DAB2IP: variants seen among roughly 807,000 people sequenced by gnomAD.
The protein encoded by DAB2IP is DAB2 interacting protein, also known as disabled homolog 2-interacting protein.
DAB2IP carries 28 observed loss-of-function variants against 107.2 expected under a neutral mutation model. The ratio of observed to expected loss-of-function variants is 0.26; its 90% CI spans 0.19 to 0.36. The LOEUF (loss-of-function observed/expected upper bound fraction) is 0.36, where lower values mean the gene tolerates loss of function less well. DAB2IP is among the 10% of genes least tolerant of loss of function. The probability of loss-of-function intolerance (pLI) is 1.00; values close to 1 mark genes in which losing one functional copy is unlikely to be tolerated. For missense variants in DAB2IP, 1,400 were observed against 1,644.7 expected, an observed-to-expected ratio of 0.85 and a Z score of 2.57; for synonymous variants, 755 against 706.4, an observed-to-expected ratio of 1.07 and a Z score of -1.09.
intron 3 of DAB2IP, among the ~76,000 whole-genome samples, chr9:121,753,502 A>G (rs771515584): frequency 3.3e-5 from 5 of 152,174 alleles, no homozygotes; most frequent in Non-Finnish European, 5.9e-5. Context: ...CCCTGAATAC[A>G]GGGGCATCAG....
At chr9:121,757,931 T>C (rs1833609143) in intron 4 of DAB2IP, among the ~76,000 whole-genome samples, 1 of 152,106 alleles carries the variant, frequency 6.6e-6, no homozygotes, top group African/African-American at 2.4e-5. Context: ...AGTGTGACAA[T>C]CTCCTGGCAC....
chr9:121,641,384 C>T (rs1178722014), intron 1 of DAB2IP, among the ~76,000 whole-genome samples: 2 of 152,138 alleles, frequency 1.3e-5, no homozygotes, highest in African/African-American at 2.4e-5. Context: ...ATGTGAGAAC[C>T]GTGGCTCTGG....
intron 7 of DAB2IP, 24 bp from the exon 8 acceptor site, chr9:121,763,711 C>CACTCCCT (rs1307088511): frequency 6.2e-6 from 10 of 1,612,758 alleles, no homozygotes; most frequent in African/African-American, 2.7e-5. Context: ...CCTCACTCCC[C>CACTCCCT]ACTCCCTGCC....
chr9:121,605,876 C>T (rs1345202405), intron 1 of DAB2IP, among the ~76,000 whole-genome samples: 2 of 152,138 alleles, frequency 1.3e-5, no homozygotes, highest in Non-Finnish European at 2.9e-5. Context: ...GGGATTGTGT[C>T]GGGGGCCCAC....
exon 4 of DAB2IP, chr9:121,757,058 C>A: frequency 6.2e-7 from 1 of 1,614,206 alleles, no homozygotes; most frequent in Non-Finnish European, 8.5e-7. Flanking sequence ...CCCACGAGTC[C>A]CTGCTCAGCC....
chr9:121,757,198 C>T (rs1833560047), intron 4 of DAB2IP, 32 bp downstream of exon 4: 2 of 1,606,286 alleles, frequency 1.2e-6, no homozygotes, highest in Non-Finnish European at 1.7e-6. Context: ...GGGGTGGACA[C>T]CCCATCCTCT....
chr9:121,650,294 CT>C (rs1412922887), upstream of DAB2IP, among the ~76,000 whole-genome samples: 2 of 152,198 alleles, frequency 1.3e-5, no homozygotes, highest in Non-Finnish European at 2.9e-5. Flanking sequence ...CCCCTCCCCC[CT>C]GGTCAGGGAA....
intron 1 of DAB2IP, among the ~76,000 whole-genome samples, chr9:121,595,496 A>C (rs762065429): frequency 1.3e-5 from 2 of 151,934 alleles, no homozygotes; most frequent in Non-Finnish European, 2.9e-5. Flanking sequence ...CTAGCTACTC[A>C]GGATGCTGAG....
chr9:121,598,249 C>A (rs1014376715), intron 1 of DAB2IP: 1 of 152,330 alleles, frequency 6.6e-6, no homozygotes, highest in African/African-American at 2.4e-5. Context: ...GTTCACCGTG[C>A]AGGCCCGTCC....
chr9:121,599,103 A>G lies in DAB2IP; in HGVS notation c.40+31875A>G, dbSNP rs375166616. ...TGGAGATCCACGCAGGGCGCACATA[A>G]AAGTTTAAGGGGTCAGCGGATGCGG... On this transcript the variant is annotated intron_variant, in intron 1 of 16. Transcript: ENST00000259371. The surrounding 1 kb of genome is among the most constrained non-coding windows in gnomAD (Gnocchi z 6.9). Among the ~76,000 whole-genome samples the G allele has an allele frequency of 2.0e-5, 3 of 152,258 alleles. No homozygotes were observed. Among genetic ancestry groups the G allele is most frequent in the East Asian group, 3.9e-4 (2 of 5,150 alleles).
intron 3 of DAB2IP, among the ~76,000 whole-genome samples, chr9:121,730,333 A>G (rs62572800): frequency 0.16 from 24,498 of 152,174 alleles, 2,404 homozygotes; most frequent in Non-Finnish European, 0.22. Flanking sequence ...GTCAACGGCT[A>G]TATTTGCTGT....
intron 3 of DAB2IP, among the ~76,000 whole-genome samples, chr9:121,715,588 C>T (rs760942304): frequency 9.2e-5 from 14 of 151,938 alleles, no homozygotes; most frequent in Non-Finnish European, 1.5e-4. Flanking sequence ...CTCCTGACCT[C>T]GTGATCTGCC....
At chr9:121,683,522 G>C (rs1281582682) in intron 2 of DAB2IP, among the ~76,000 whole-genome samples, 1 of 152,198 alleles carries the variant, frequency 6.6e-6, no homozygotes, top group East Asian at 1.9e-4. Flanking sequence ...CGTGTTTGAA[G>C]GTTTAGCTGA....
At chr9:121,628,824 C>T (rs556004738) in intron 1 of DAB2IP, among the ~76,000 whole-genome samples, 1 of 152,308 alleles carries the variant, frequency 6.6e-6, no homozygotes, top group Admixed American at 6.5e-5. Context: ...AGACTGGGCT[C>T]AAACCCTGAC....
intron 5 of DAB2IP, 150 bp downstream of exon 5, chr9:121,759,146 C>T (rs1833702527): frequency 2.7e-6 from 2 of 736,220 alleles, no homozygotes; most frequent in African/African-American, 3.5e-5. Context: ...TATTGGTGGA[C>T]TCTGAAAGAG....
intron 1 of DAB2IP, among the ~76,000 whole-genome samples, chr9:121,589,738 G>T (rs750441786): frequency 7.9e-5 from 12 of 152,190 alleles, no homozygotes; most frequent in Non-Finnish European, 1.5e-4. Context: ...CGCCTCCCCA[G>T]AGGTGACAGC....
chr9:121,641,790 GCCTGC>G, intron 1 of DAB2IP, among the ~76,000 whole-genome samples: 1 of 137,116 alleles, frequency 7.3e-6, no homozygotes, highest in East Asian at 2.3e-4. Flanking sequence ...CTGCCTGCCT[GCCTGC>G]CTACCTTCCT....
chr9:121,580,650 A>T (rs1830169863), intron 1 of DAB2IP, among the ~76,000 whole-genome samples: 2 of 151,002 alleles, frequency 1.3e-5, no homozygotes, highest in Admixed American at 6.6e-5. Flanking sequence ...TCTGAGATGG[A>T]GTCTCGCTCT....
chr9:121,750,739 C>T (rs1249721616), intron 3 of DAB2IP, among the ~76,000 whole-genome samples: 2 of 152,236 alleles, frequency 1.3e-5, no homozygotes, highest in Non-Finnish European at 2.9e-5. Context: ...GTTTGGGGTC[C>T]TTTCCCTCCT....
Sources: allele counts gnomAD v4.1 joint callset (sites outside exome capture counted in the v4.1 genomes callset), GRCh38; gene constraint gnomAD v4.1.1; non-coding constraint Gnocchi (gnomAD v3.1); transcripts MANE v1.5; gene names NCBI Gene and HGNC (gene_info 2026-07-23, HGNC 2026-07-21).